Variants in KIF1B observed in about 807,000 individuals in gnomAD.
KIF1B encodes the protein kinesin family member 1B, also known as kinesin-like protein KIF1B.
A neutral mutation model predicts 241.9 loss-of-function variants in KIF1B; 76 were observed. The ratio of observed to expected loss-of-function variants is 0.31; its 90% CI spans 0.26 to 0.38. KIF1B has a LOEUF of 0.38. Among genes scored for constraint, KIF1B ranks in the 10% least tolerant of loss-of-function variants. The pLI is 1.00. For missense variants in KIF1B, 1,622 were observed against 2,271.4 expected (o/e 0.71, Z 5.81); for synonymous variants, 750 against 796.7 (o/e 0.94, Z 0.99).
chr1:10,374,547 G>A lies in KIF1B; in HGVS notation c.5096+82G>A. On this transcript the variant is annotated intron_variant, in intron 46 of 48. Transcript: ENST00000676179. This position sits in a 1 kb window ranked among gnomAD's most constrained non-coding sequence, Gnocchi z 4.3. ...GTGACTGGCCAGCTCTTCCCTGTGA[G>A]GTCTGTACTGTAGTCTGATGCAATC... 4.1e-6 allele frequency: 6 copies of A among 1,457,264 alleles called. No individual in the cohort carries two copies. Among genetic ancestry groups the A allele is most frequent in the Non-Finnish European group, 5.8e-6 (6 of 1,041,158 alleles). 90.3% of individuals were successfully genotyped at this position (1,457,264 alleles called of 1,614,324 possible). A position where few individuals can be genotyped will look rare whatever the true frequency, so the allele number is the denominator to read the frequency against.
In KIF1B at chr1:10,303,008, T is replaced by G. The variant is rs1210999510; in HGVS notation, c.2115+5762T>G. 1.3e-5 allele frequency among the ~76,000 whole-genome samples: 2 copies of G among 151,496 alleles called. No individual in the cohort carries two copies. The highest frequency in any genetic ancestry group is 4.9e-5 in the African/African-American group (2 of 41,208). On this transcript the variant is annotated intron_variant, in intron 22 of 48. Coordinates refer to ENST00000676179, the MANE Select transcript of KIF1B (RefSeq NM_001365951.3). This position sits in a 1 kb window ranked among gnomAD's most constrained non-coding sequence, Gnocchi z 5.2. ...AATAGACTTCCACATTATTGAGGGG[T>G]TTTTTTTGGTTTTGTTTTGTTTTTT...
At chr1:10,348,778 G>T (rs1557729450) in intron 37 of KIF1B, 45 bp downstream of exon 37, 8 of 1,456,716 alleles carry the variant, frequency 5.5e-6, no homozygotes, top group Admixed American at 1.8e-5. Context: ...GACTTACAGA[G>T]ATTTTTTTTT....
Position 10,311,575 on chromosome 1 carries a change from T to C in KIF1B, c.2116-8468T>C, listed in dbSNP as rs1651068332. ...GCTGGAACTCATCTAGTCAGACTCT[T>C]GTTCTCCCCTCACCACCAAAGCTGC... On this transcript the variant is annotated intron_variant, in intron 22 of 48. Transcript: ENST00000676179. Among the ~76,000 whole-genome samples, 3 of 151,372 alleles carry C rather than the reference T, an allele frequency of 2.0e-5. No individual in the cohort carries two copies. The South Asian group carries it at 6.2e-4, about 31-fold the overall frequency.
At chr1:10,373,676 G>A (rs1295732639) in intron 45 of KIF1B, among the ~76,000 whole-genome samples, 1 of 152,204 alleles carries the variant, frequency 6.6e-6, no homozygotes, top group East Asian at 1.9e-4. Flanking sequence ...TCACACAGTA[G>A]TCAAGAGGGC....
chr1:10,298,088 G>A (rs1650358577), intron 22 of KIF1B, among the ~76,000 whole-genome samples: 1 of 152,126 alleles, frequency 6.6e-6, no homozygotes, highest in Admixed American at 6.5e-5. Context: ...ACAAAGCTGT[G>A]GTTATAAGAA....
chr1:10,268,871 T>A (rs1262519310), intron 7 of KIF1B, among the ~76,000 whole-genome samples: 3 of 152,184 alleles, frequency 2.0e-5, no homozygotes, highest in Non-Finnish European at 2.9e-5. Context: ...CTACTTAACC[T>A]CTTTGTTCCT....
At chr1:10,355,821 T>G (rs1638226360) in intron 38 of KIF1B, among the ~76,000 whole-genome samples, 1 of 152,244 alleles carries the variant, frequency 6.6e-6, no homozygotes, top group Non-Finnish European at 1.5e-5. Context: ...TTCTCTGTTT[T>G]GTCCTGTGTG....
chr1:10,276,603 A>G (rs890690961), intron 12 of KIF1B, among the ~76,000 whole-genome samples: 1 of 152,214 alleles, frequency 6.6e-6, no homozygotes, highest in African/African-American at 2.4e-5. Flanking sequence ...TCACTGGGAA[A>G]GATATGAACT....
intron 14 of KIF1B, among the ~76,000 whole-genome samples, chr1:10,282,063 C>T (rs933900051): frequency 3.3e-5 from 5 of 152,178 alleles, no homozygotes; most frequent in African/African-American, 7.2e-5. Context: ...CGAGATACAG[C>T]GTTAACCTAC....
At chr1:10,340,247 C>T (rs1652342221) in intron 32 of KIF1B, among the ~76,000 whole-genome samples, 1 of 152,210 alleles carries the variant, frequency 6.6e-6, no homozygotes, top group African/African-American at 2.4e-5. Context: ...CAAATACCTT[C>T]TGTAGCTAAA....
In KIF1B at chr1:10,279,065, C is replaced by A. The variant is rs1051186465; in HGVS notation, c.1181-32C>A. ...TCACTGCTGAACCTGAACTTTGACC[C>A]TTCTCGTATTTTCCCTCCTGCTTAC... On this transcript the variant is annotated intron_variant, in intron 13 of 48. Coordinates refer to ENST00000676179, the MANE Select transcript of KIF1B (RefSeq NM_001365951.3). 5 of 1,525,728 alleles carry A rather than the reference C, an allele frequency of 3.3e-6. No individual in the cohort carries two copies. In the African/African-American group the frequency reaches 5.5e-5, roughly 17 times the overall value. 94.5% of individuals were successfully genotyped at this position (1,525,728 alleles called of 1,614,324 possible).
In KIF1B at chr1:10,374,894, C is replaced by G. The variant is rs755893509; in HGVS notation, c.5137C>G (p.Pro1713Ala). 8 of 1,614,124 alleles carry G rather than the reference C, an allele frequency of 5.0e-6. No homozygotes were observed. Among genetic ancestry groups the G allele is most frequent in the South Asian group, 1.1e-5 (1 of 91,090 alleles). Residue 1713 changes from proline to alanine, a missense_variant, in exon 47 of 49, where the codon CCT becomes GCT. Pro to Ala is a conservative substitution (Grantham distance 27). Coordinates refer to ENST00000676179, the MANE Select transcript of KIF1B (RefSeq NM_001365951.3). This position sits in a 1 kb window ranked among gnomAD's most constrained non-coding sequence, Gnocchi z 4.3. ...SKKGYLHFKE[P>A]LYSNWAKHFV... is the part of the protein sequence containing the mutation. ...GAAAGGATACCTTCATTTCAAGGAG[C>G]CTCTTTACAGTAACTGGGCTAAACA...
chr1:10,229,908 A>G (rs954302810), intron 1 of KIF1B, among the ~76,000 whole-genome samples: 22 of 145,752 alleles, frequency 1.5e-4, no homozygotes, highest in Admixed American at 4.1e-4. Flanking sequence ...AAAGAAAATT[A>G]GGGGCCAGAC....
intron 37 of KIF1B, among the ~76,000 whole-genome samples, chr1:10,351,826 A>G (rs1484441446): frequency 6.6e-6 from 1 of 152,116 alleles, no homozygotes; most frequent in Non-Finnish European, 1.5e-5. Context: ...AAAATAAAAT[A>G]GCTGGATGTG....
Position 10,342,044 on chromosome 1 carries a change from C to T in KIF1B, c.3514-6C>T. 1 of 1,545,124 alleles carries T rather than the reference C, an allele frequency of 6.5e-7. No individual in the cohort carries two copies. Among genetic ancestry groups the T allele is most frequent in the Non-Finnish European group, 8.9e-7 (1 of 1,117,688 alleles). On this transcript the variant is annotated splice_region_variant and splice_polypyrimidine_tract_variant and intron_variant, in intron 32 of 48. Coordinates refer to ENST00000676179, the MANE Select transcript of KIF1B (RefSeq NM_001365951.3). ...GTAATCTTTTCCTAATCTTGCTTGG[C>T]TTTAGATTGCAGTGGAGATCACTGA...
chr1:10,215,145 TA>T (rs1251248711), intron 1 of KIF1B, among the ~76,000 whole-genome samples: 2 of 37,052 alleles, frequency 5.4e-5, no homozygotes, highest in Non-Finnish European at 1.1e-4. Flanking sequence ...ATTTTATATA[TA>T]TATATATATA....
intron 1 of KIF1B, chr1:10,211,713 C>A (rs1202975255): frequency 1.4e-5 from 2 of 147,520 alleles, no homozygotes; most frequent in Admixed American, 1.3e-4. Context: ...TTTTTTTTTT[C>A]CTTGATTGCT....
intron 2 of KIF1B, among the ~76,000 whole-genome samples, chr1:10,237,700 C>A (rs1002395107): frequency 7.9e-5 from 12 of 152,094 alleles, no homozygotes; most frequent in African/African-American, 2.9e-4. Context: ...ATAATGATTT[C>A]ATGTCCACTA....
At chr1:10,219,857 C>T (rs553622063) in intron 1 of KIF1B, among the ~76,000 whole-genome samples, 2 of 152,176 alleles carry the variant, frequency 1.3e-5, no homozygotes, top group South Asian at 4.1e-4. Context: ...TGCTTGCGCC[C>T]AATAGTTCGG....
Sources: allele counts gnomAD v4.1 joint callset (sites outside exome capture counted in the v4.1 genomes callset), GRCh38; gene constraint gnomAD v4.1.1; non-coding constraint Gnocchi (gnomAD v3.1); transcripts MANE v1.5; gene names NCBI Gene and HGNC (gene_info 2026-07-23, HGNC 2026-07-21).